Variants in PACC1 observed in about 807,000 individuals in gnomAD.
The protein encoded by PACC1 is proton activated chloride channel 1.
PACC1 carries 34 observed loss-of-function variants against 39.7 expected under a neutral mutation model. The observed-to-expected ratio is 0.86, with a 90% CI of 0.65 to 1.14. PACC1 has a LOEUF of 1.14. PACC1 is among the 50% of genes most tolerant of loss of function. The probability of loss-of-function intolerance (pLI) is 0.00; values close to 1 mark genes in which losing one functional copy is unlikely to be tolerated. For synonymous variants in PACC1, 127 were observed against 160.6 expected (o/e 0.79, Z 1.58); for missense variants, 379 against 436.4 (o/e 0.87, Z 1.17).
chr1:212,397,455 A>G (rs1433907761), intron 2 of PACC1, among the ~76,000 whole-genome samples: 1 of 152,250 alleles, frequency 6.6e-6, no homozygotes, highest in Non-Finnish European at 1.5e-5. Context: ...ACACAAAAGA[A>G]TATCTGCTCA....
chr1:212,377,742 A>G (rs770206134), intron 5 of PACC1, 36 bp from the exon 6 acceptor site: 1 of 1,610,382 alleles, frequency 6.2e-7, no homozygotes. Context: ...ATCCAGGTCA[A>G]TGCAGGTCTG....
At chr1:212,405,666 G>A (rs1661882893) in intron 2 of PACC1, among the ~76,000 whole-genome samples, 1 of 152,178 alleles carries the variant, frequency 6.6e-6, no homozygotes. Context: ...TCTCATCTAG[G>A]AACAACTGAG....
At chr1:212,387,182 C>T (rs1485300140) in intron 2 of PACC1, 82 bp from the exon 3 acceptor site, 5 of 1,428,512 alleles carry the variant, frequency 3.5e-6, no homozygotes, top group Non-Finnish European at 4.8e-6. Flanking sequence ...CAGGCCCTTG[C>T]CTGCCTCACC....
chr1:212,381,831 G>A (rs977804777), intron 4 of PACC1, among the ~76,000 whole-genome samples: 3 of 145,506 alleles, frequency 2.1e-5, no homozygotes, highest in Admixed American at 1.4e-4. Context: ...CCAGGGGACA[G>A]CACAGTGACA....
intron 4 of PACC1, among the ~76,000 whole-genome samples, chr1:212,383,731 G>A (rs1022381914): frequency 6.6e-6 from 1 of 152,278 alleles, no homozygotes; most frequent in Admixed American, 6.5e-5. Flanking sequence ...CCTTGCATGG[G>A]AAAGCTAAGT....
intron 2 of PACC1, among the ~76,000 whole-genome samples, chr1:212,398,771 T>G (rs180904675): frequency 4.9e-4 from 75 of 152,336 alleles, no homozygotes; most frequent in Admixed American, 4.6e-3. Context: ...TCTCCATGTT[T>G]CTCTCTTGAC....
At chr1:212,394,138 A>T (rs999222372) in intron 2 of PACC1, among the ~76,000 whole-genome samples, 2 of 152,196 alleles carry the variant, frequency 1.3e-5, no homozygotes, top group African/African-American at 4.8e-5. Flanking sequence ...CAACAACAAA[A>T]GAGAATTTTA....
intron 7 of PACC1, among the ~76,000 whole-genome samples, chr1:212,367,539 T>C (rs1486728639): frequency 1.3e-5 from 2 of 152,114 alleles, no homozygotes; most frequent in African/African-American, 4.8e-5. Context: ...CACTTTACAA[T>C]AGACTAAAGT....
intron 6 of PACC1, 132 bp from the exon 7 acceptor site, chr1:212,375,432 AGTGGC>A: frequency 1.6e-6 from 1 of 614,010 alleles, no homozygotes; most frequent in Non-Finnish European, 2.9e-6. Context: ...TTGGAGAGAG[AGTGGC>A]AAAAATCTCA....
intron 2 of PACC1, 195 bp downstream of exon 2, chr1:212,410,230 A>T: frequency 1.6e-6 from 1 of 607,264 alleles, no homozygotes; most frequent in East Asian, 2.7e-5. Flanking sequence ...ATTGGAGTTA[A>T]GAGCAGATAC....
chr1:212,404,006 C>T (rs2102534313), intron 2 of PACC1, among the ~76,000 whole-genome samples: 1 of 152,352 alleles, frequency 6.6e-6, no homozygotes, highest in South Asian at 2.1e-4. Context: ...TCACATCAGC[C>T]TTTGCCGCAG....
At chr1:212,401,523 G>A (rs915776871) in intron 2 of PACC1, among the ~76,000 whole-genome samples, 1 of 151,038 alleles carries the variant, frequency 6.6e-6, no homozygotes. Flanking sequence ...CCACTCGAGA[G>A]GCTGAGGCAG....
rs75386038 is a variant in PACC1 at position 212,383,866 on chromosome 1, A to T, written c.495+1408T>A. Among the ~76,000 whole-genome samples, 448 of 47,472 alleles carry T rather than the reference A, an allele frequency of 9.4e-3. 4 individuals carry two copies. The highest frequency in any genetic ancestry group is 0.075 in the African/African-American group (424 of 5,640). 31.1% of individuals were successfully genotyped at this position (47,472 alleles called of 152,430 possible). A position where few individuals can be genotyped will look rare whatever the true frequency, so the allele number is the denominator to read the frequency against. On this transcript the variant is annotated intron_variant, in intron 4 of 7. Transcript: ENST00000261455. ...GTTTCCTATGCCTACACAAAGAATC[A>T]TCTTCCCTTCGCTTCTGTAGAGAAT...
chr1:212,402,898 C>T (rs1661767934), intron 2 of PACC1, among the ~76,000 whole-genome samples: 1 of 152,152 alleles, frequency 6.6e-6, no homozygotes, highest in African/African-American at 2.4e-5. Context: ...AGGTGATCCA[C>T]CCACCTCGAC....
chr1:212,391,220 C>T (rs1661308128), intron 2 of PACC1, among the ~76,000 whole-genome samples: 1 of 152,180 alleles, frequency 6.6e-6, no homozygotes, highest in African/African-American at 2.4e-5. Flanking sequence ...TCTCACACGG[C>T]CAGGTACCCT....
intron 2 of PACC1, among the ~76,000 whole-genome samples, chr1:212,401,187 A>G (rs979509095): frequency 7.2e-5 from 11 of 152,166 alleles, no homozygotes; most frequent in African/African-American, 2.4e-4. Context: ...TTCATTACCC[A>G]AAAAGAAACT....
chr1:212,373,233 G>C (rs1486199640), intron 7 of PACC1, among the ~76,000 whole-genome samples: 3 of 152,032 alleles, frequency 2.0e-5, no homozygotes, highest in East Asian at 3.8e-4. Context: ...TTTGACAAAG[G>C]CACCAAGAAA....
At chr1:212,406,254 C>G (rs1395024201) in intron 2 of PACC1, among the ~76,000 whole-genome samples, 1 of 151,986 alleles carries the variant, frequency 6.6e-6, no homozygotes, top group African/African-American at 2.4e-5. Context: ...TGGTGGCTCA[C>G]GCCTGTAATC....
chr1:212,412,267 G>C (rs1389704344), intron 1 of PACC1, among the ~76,000 whole-genome samples: 1 of 152,112 alleles, frequency 6.6e-6, no homozygotes, highest in Non-Finnish European at 1.5e-5. Flanking sequence ...CAAAGGGAGA[G>C]GAGGATGTTA....
Sources: allele counts gnomAD v4.1 joint callset (sites outside exome capture counted in the v4.1 genomes callset), GRCh38; gene constraint gnomAD v4.1.1; transcripts MANE v1.5; gene names NCBI Gene and HGNC (gene_info 2026-07-23, HGNC 2026-07-21).